Variants in UNC13C observed in about 807,000 individuals in gnomAD.
UNC13C encodes protein unc-13 homolog C.
Under a neutral mutation model 245.4 loss-of-function variants are expected in UNC13C, and 174 were observed. The ratio of observed to expected loss-of-function variants is 0.71; its 90% CI spans 0.63 to 0.80. The LOEUF (loss-of-function observed/expected upper bound fraction) is 0.80. Among genes scored for constraint, UNC13C ranks in the 30% least tolerant of loss-of-function variants. UNC13C has a pLI of 0.00. For synonymous variants in UNC13C, 992 were observed against 895.1 expected (o/e 1.11, Z -1.93); for missense variants, 2,829 against 2,602.9 (o/e 1.09, Z -1.89).
At chr15:54,353,802 G>A (rs946727085) in intron 17 of UNC13C, among the ~76,000 whole-genome samples, 2 of 152,158 alleles carry the variant, frequency 1.3e-5, no homozygotes, top group African/African-American at 4.8e-5. Flanking sequence ...GCCTGTAAAT[G>A]TTAGAACTCC....
chr15:53,923,366 A>C, the UNC13C span, among the ~76,000 whole-genome samples: 4 of 152,360 alleles, frequency 2.6e-5, no homozygotes, highest in East Asian at 7.7e-4. Flanking sequence ...CTCTAGAAAA[A>C]TTTATTAAGT....
chr15:54,138,362 A>G, intron 2 of UNC13C, among the ~76,000 whole-genome samples: 1 of 152,270 alleles, frequency 6.6e-6, no homozygotes, highest in East Asian at 1.9e-4. Context: ...GAATGAATAT[A>G]TTAACCTATT....
chr15:54,197,756 TACTC>T (rs2034402998), intron 4 of UNC13C, among the ~76,000 whole-genome samples: 1 of 152,114 alleles, frequency 6.6e-6, no homozygotes, highest in Non-Finnish European at 1.5e-5. Context: ...AATATGTGAA[TACTC>T]ACATCATGAA....
intron 19 of UNC13C, among the ~76,000 whole-genome samples, chr15:54,449,411 C>T (rs1266249757): frequency 6.6e-6 from 1 of 152,202 alleles, no homozygotes; most frequent in Non-Finnish European, 1.5e-5. Context: ...TTCAGGTACA[C>T]CAATCAGATG....
intron 17 of UNC13C, among the ~76,000 whole-genome samples, chr15:54,363,766 A>G (rs1366273409): frequency 1.3e-5 from 2 of 152,248 alleles, no homozygotes; most frequent in Non-Finnish European, 2.9e-5. Flanking sequence ...CTCTTGCTAA[A>G]GAATTCATTT....
chr15:53,953,846 T>A, the UNC13C span, among the ~76,000 whole-genome samples: 1 of 152,262 alleles, frequency 6.6e-6, no homozygotes, highest in Non-Finnish European at 1.5e-5. Flanking sequence ...CTCTCCTTGC[T>A]CTTCCATCTG....
At chr15:54,497,606 C>A (rs1158004848) in intron 20 of UNC13C, among the ~76,000 whole-genome samples, 8 of 152,190 alleles carry the variant, frequency 5.3e-5, no homozygotes, top group South Asian at 2.1e-4. Context: ...AGATTGGGAA[C>A]TAAGTAGATA....
At chr15:54,117,523 T>TTCTCTCTCTCTCTCTCTC (rs56332846) in intron 2 of UNC13C, among the ~76,000 whole-genome samples, 2 of 102,040 alleles carry the variant, frequency 2.0e-5, no homozygotes, top group African/African-American at 4.0e-5. Context: ...ACTATTATGT[T>TTCTCTCTCTCTCTCTCTC]TCTCTCTCTC....
intron 23 of UNC13C, 47 bp from the exon 24 acceptor site, chr15:54,511,706 T>A: frequency 3.7e-6 from 5 of 1,348,382 alleles, no homozygotes; most frequent in Non-Finnish European, 5.1e-6. Flanking sequence ...TTCAATAATT[T>A]TATATAAAAA....
intron 2 of UNC13C, among the ~76,000 whole-genome samples, chr15:54,103,606 CATT>C (rs1003886283): frequency 3.3e-5 from 5 of 152,316 alleles, no homozygotes; most frequent in African/African-American, 1.2e-4. Context: ...GTTTCCCTAT[CATT>C]ATTGATTGCC....
intron 2 of UNC13C, among the ~76,000 whole-genome samples, chr15:54,060,230 C>T (rs1897748305): frequency 6.6e-6 from 1 of 151,980 alleles, no homozygotes; most frequent in Non-Finnish European, 1.5e-5. Flanking sequence ...TGATAGAGGG[C>T]TAATATCCAG....
intron 4 of UNC13C, among the ~76,000 whole-genome samples, chr15:54,162,788 T>A (rs113654745): frequency 0.024 from 3,617 of 152,306 alleles, 146 homozygotes; most frequent in African/African-American, 0.077. Context: ...TGTATTTTTT[T>A]AAAATCTCAT....
At chr15:54,212,260 T>C (rs188528612) in intron 4 of UNC13C, among the ~76,000 whole-genome samples, 6 of 152,094 alleles carry the variant, frequency 3.9e-5, no homozygotes, top group Admixed American at 1.3e-4. Flanking sequence ...ATGGGAGAGG[T>C]GTTATGGACA....
chr15:54,479,812 T>C (rs1168851275), intron 19 of UNC13C, among the ~76,000 whole-genome samples: 1 of 152,170 alleles, frequency 6.6e-6, no homozygotes, highest in African/African-American at 2.4e-5. Context: ...ATATAGGGAT[T>C]CCTTAAGCAT....
intron 1 of UNC13C, among the ~76,000 whole-genome samples, chr15:53,986,153 G>C (rs1283688787): frequency 2.0e-5 from 3 of 152,004 alleles, no homozygotes; most frequent in African/African-American, 7.2e-5. Flanking sequence ...TTATAGACAA[G>C]TACACTCACC....
At chr15:53,989,293 C>T (rs900908111) in intron 1 of UNC13C, among the ~76,000 whole-genome samples, 3 of 151,072 alleles carry the variant, frequency 2.0e-5, no homozygotes, top group African/African-American at 7.3e-5. Flanking sequence ...TCCTGGAAAG[C>T]TGTCAACAAA....
chr15:54,594,815 C>T (rs2681960), intron 30 of UNC13C, among the ~76,000 whole-genome samples: 1 of 152,102 alleles, frequency 6.6e-6, no homozygotes, highest in East Asian at 1.9e-4. Context: ...GGAAACCAGC[C>T]CCACACCACC....
chr15:54,434,934 T>G (rs898359125), intron 19 of UNC13C, among the ~76,000 whole-genome samples: 1 of 151,900 alleles, frequency 6.6e-6, no homozygotes, highest in African/African-American at 2.4e-5. Flanking sequence ...TGAACAGATA[T>G]TTCTCAAAAT....
rs1489240808 is a variant in UNC13C at position 53,978,679 on chromosome 15, G to A, written c.-505G>A. 2.0e-5 allele frequency among the ~76,000 whole-genome samples: 3 copies of A among 152,170 alleles called. No homozygotes were observed. Among genetic ancestry groups the A allele is most frequent in the Non-Finnish European group, 2.9e-5 (2 of 68,036 alleles). On this transcript the variant is annotated 5_prime_UTR_variant, in exon 1 of 33. Transcript: ENST00000260323. The stretch of plus-strand genomic sequence containing the variant: ...TGTAGAATTGCTTCGGAGGCTACCC[G>A]GGAGTGCGATAGAATTGACAAGAAA...
Sources: gnomAD v4.1 joint callset for allele counts (sites outside exome capture counted in the v4.1 genomes callset) on GRCh38, gnomAD v4.1.1 for gene constraint, MANE v1.5 for transcripts, NCBI Gene and HGNC (gene_info 2026-07-23, HGNC 2026-07-21) for gene names.